Variants in NEGR1 observed in about 807,000 individuals in gnomAD.
NEGR1 encodes the protein IgLON family member 4.
Under a neutral mutation model 40.9 loss-of-function variants are expected in NEGR1, and 10 were observed. The ratio of observed to expected loss-of-function variants is 0.24; its 90% CI spans 0.15 to 0.42. The LOEUF is 0.42. NEGR1 is among the 10% of genes least tolerant of loss of function. NEGR1 has a pLI of 1.00. For synonymous variants in NEGR1, 185 were observed against 166.8 expected (o/e 1.11, Z -0.84); for missense variants, 352 against 438.9 (o/e 0.80, Z 1.77).
At chr1:71,613,515 T>C (rs1308492604) in intron 4 of NEGR1, among the ~76,000 whole-genome samples, 1 of 151,836 alleles carries the variant, frequency 6.6e-6, no homozygotes, top group African/African-American at 2.4e-5. Flanking sequence ...GGCATAGTGG[T>C]GGGCACCTGT....
intron 2 of NEGR1, among the ~76,000 whole-genome samples, chr1:71,869,690 T>C (rs1193881660): frequency 1.3e-5 from 2 of 152,066 alleles, no homozygotes; most frequent in East Asian, 3.9e-4. Flanking sequence ...ATAGTAACAA[T>C]CATATGGAGT....
intron 2 of NEGR1, among the ~76,000 whole-genome samples, chr1:71,925,909 G>T (rs570491491): frequency 6.6e-6 from 1 of 152,018 alleles, no homozygotes; most frequent in South Asian, 2.1e-4. Context: ...CATTGCACTG[G>T]GATTTGACAT....
intron 6 of NEGR1, among the ~76,000 whole-genome samples, chr1:71,507,760 G>C (rs1647045274): frequency 6.6e-6 from 1 of 152,176 alleles, no homozygotes; most frequent in Non-Finnish European, 1.5e-5. Flanking sequence ...TACCTCAAGG[G>C]TGTTAAGGGG....
intron 2 of NEGR1, among the ~76,000 whole-genome samples, chr1:71,799,408 T>C (rs537010070): frequency 2.6e-4 from 40 of 152,318 alleles, no homozygotes; most frequent in African/African-American, 7.5e-4. Flanking sequence ...TATTTCATGG[T>C]GTATACGTGC....
Position 72,053,206 on chromosome 1 carries a change from T to A in NEGR1, c.177-117895A>T, listed in dbSNP as rs908020956. ...ATAAATGCAAATAAACATACCCTTT[T>A]CTTTGTTTTGATTTTTTTTTAGGAG... On this transcript the variant is annotated intron_variant, in intron 1 of 6. Transcript: ENST00000357731. Among the ~76,000 whole-genome samples the A allele has an allele frequency of 4.6e-5, 7 of 151,340 alleles. No individual in the cohort carries two copies. In the South Asian group the frequency reaches 6.2e-4, roughly 13 times the overall value.
intron 1 of NEGR1, among the ~76,000 whole-genome samples, chr1:71,942,310 A>C (rs1056532563): frequency 2.0e-5 from 3 of 149,930 alleles, no homozygotes; most frequent in Non-Finnish European, 3.0e-5. Context: ...ACTGAAAATT[A>C]AGCTTTGTGA....
intron 1 of NEGR1, among the ~76,000 whole-genome samples, chr1:72,069,604 G>T (rs1253445118): frequency 2.0e-5 from 3 of 151,918 alleles, no homozygotes; most frequent in African/African-American, 4.8e-5. Context: ...TGCACACATA[G>T]AACACATGCA....
intron 1 of NEGR1, among the ~76,000 whole-genome samples, chr1:72,021,313 T>G (rs1180521932): frequency 6.6e-6 from 1 of 152,104 alleles, no homozygotes; most frequent in Non-Finnish European, 1.5e-5. Context: ...TCATATTATA[T>G]CATAACAGAG....
chr1:72,072,347 T>C lies in NEGR1; in HGVS notation c.177-137036A>G, dbSNP rs1007694546. On this transcript the variant is annotated intron_variant, in intron 1 of 6. Coordinates refer to ENST00000357731, the MANE Select transcript of NEGR1 (RefSeq NM_173808.3). ...ATCACTGAATTTCTAATACCTAGTA[T>C]AGTCACAGAAACATAGGTGATTAAA... Among the ~76,000 whole-genome samples, 9 of 152,252 alleles carry C rather than the reference T, an allele frequency of 5.9e-5. No individual in the cohort carries two copies. In the East Asian group the frequency reaches 1.7e-3, roughly 29 times the overall value.
chr1:71,928,667 T>G (rs531689235), intron 2 of NEGR1, among the ~76,000 whole-genome samples: 1 of 151,708 alleles, frequency 6.6e-6, no homozygotes, highest in South Asian at 2.1e-4. Context: ...AAAATGCTAA[T>G]AAGATCCTGT....
intron 6 of NEGR1, among the ~76,000 whole-genome samples, chr1:71,524,926 G>A (rs1322974295): frequency 6.6e-6 from 1 of 151,688 alleles, no homozygotes; most frequent in African/African-American, 2.4e-5. Flanking sequence ...CTAGAAGTTG[G>A]AAAATGCGGA....
At chr1:72,262,872 T>G (rs1353409527) in intron 1 of NEGR1, among the ~76,000 whole-genome samples, 1 of 151,928 alleles carries the variant, frequency 6.6e-6, no homozygotes, top group East Asian at 1.9e-4. Flanking sequence ...CCATAAATAT[T>G]TTATTTTTAC....
At chr1:72,135,434 A>G (rs1650427327) in intron 1 of NEGR1, among the ~76,000 whole-genome samples, 1 of 151,576 alleles carries the variant, frequency 6.6e-6, no homozygotes, top group African/African-American at 2.4e-5. Flanking sequence ...AAAAAAAAAA[A>G]AAAAAGAAAT....
chr1:71,413,521 T>C (rs1048047703), intron 6 of NEGR1, among the ~76,000 whole-genome samples: 1 of 152,244 alleles, frequency 6.6e-6, no homozygotes, highest in African/African-American at 2.4e-5. Flanking sequence ...AGGATTTTTA[T>C]TTAATGCAAT....
chr1:71,783,661 G>A (rs1245396688), intron 2 of NEGR1, among the ~76,000 whole-genome samples: 1 of 152,150 alleles, frequency 6.6e-6, no homozygotes, highest in South Asian at 2.1e-4. Context: ...ATCCGTATAA[G>A]AAAAACGTTA....
chr1:72,140,104 T>C (rs1268217238), intron 1 of NEGR1, among the ~76,000 whole-genome samples: 2 of 152,088 alleles, frequency 1.3e-5, no homozygotes, highest in African/African-American at 4.8e-5. Flanking sequence ...ATCAACATGA[T>C]ACACACAGAG....
chr1:71,517,462 C>T (rs2101424862), intron 6 of NEGR1, among the ~76,000 whole-genome samples: 1 of 84,766 alleles, frequency 1.2e-5, no homozygotes, highest in Admixed American at 1.3e-4. Context: ...ATAAACAGAG[C>T]CAAAGACAAA....
chr1:71,647,584 C>T (rs764042946), intron 4 of NEGR1, among the ~76,000 whole-genome samples: 5 of 151,808 alleles, frequency 3.3e-5, no homozygotes, highest in Admixed American at 6.6e-5. Context: ...CTTTTTGCTT[C>T]CTCCTCCCTC....
intron 1 of NEGR1, among the ~76,000 whole-genome samples, chr1:72,252,038 T>G (rs1473624424): frequency 1.3e-5 from 2 of 152,156 alleles, no homozygotes; most frequent in Non-Finnish European, 2.9e-5. Flanking sequence ...CAGATTTTAT[T>G]TATTTTATTT....
Sources: gnomAD v4.1 joint callset for allele counts (sites outside exome capture counted in the v4.1 genomes callset) on GRCh38, gnomAD v4.1.1 for gene constraint, MANE v1.5 for transcripts, NCBI Gene and HGNC (gene_info 2026-07-23, HGNC 2026-07-21) for gene names.